Variants in NFIB observed in about 807,000 individuals in gnomAD.
The protein encoded by NFIB is nuclear factor I B, also known as nuclear factor 1 B-type.
NFIB carries 11 observed loss-of-function variants against 61.5 expected under a neutral mutation model. The observed-to-expected ratio is 0.18, with a 90% CI of 0.11 to 0.30. NFIB has a LOEUF of 0.30. Ranked by LOEUF, NFIB falls within the 10% of genes least tolerant of loss-of-function variation. NFIB has a pLI of 1.00. For synonymous variants in NFIB, 260 were observed against 216.5 expected, an observed-to-expected ratio of 1.20 and a Z score of -1.76; for missense variants, 471 against 608.9, an observed-to-expected ratio of 0.77 and a Z score of 2.38.
At chr9:14,107,097 C>T (rs508940) in intron 10 of NFIB, among the ~76,000 whole-genome samples, 72,775 of 151,732 alleles carry the variant, frequency 0.48, 19,767 homozygotes, top group African/African-American at 0.72. Flanking sequence ...GGGGTGAAGG[C>T]TCTTTTTGCG....
intron 3 of NFIB, among the ~76,000 whole-genome samples, chr9:14,177,659 CGA>C (rs2046332106): frequency 6.6e-6 from 1 of 152,050 alleles, no homozygotes; most frequent in South Asian, 2.1e-4. Flanking sequence ...AATCAACGTA[CGA>C]TTTACATATA....
At chr9:14,402,013 C>A (rs1427135425), upstream of NFIB, among the ~76,000 whole-genome samples, 3 of 152,044 alleles carry the variant, frequency 2.0e-5, no homozygotes, top group African/African-American at 7.2e-5. Flanking sequence ...CCCCTGGACA[C>A]AAACAACTTA....
Position 14,307,891 on chromosome 9 carries a change from T to C in NFIB, c.31-371A>G, listed in dbSNP as rs2060097631. On this transcript the variant is annotated intron_variant, in intron 1 of 10. Coordinates refer to ENST00000380953, the MANE Select transcript of NFIB (RefSeq NM_001190737.2). This position sits in a 1 kb window ranked among gnomAD's most constrained non-coding sequence, Gnocchi z 5.3. The stretch of plus-strand genomic sequence containing the variant: ...GGCACCTAATATAGTATTTCAATAT[T>C]TGATTGACCAACTAACACTATGCAG... The C allele has an allele frequency of 5.8e-6, 1 of 173,374 alleles. No individual in the cohort carries two copies. Among genetic ancestry groups the C allele is most frequent in the Non-Finnish European group, 1.2e-5 (1 of 80,192 alleles). The allele number at this position is 173,374 out of a possible 1,614,324, so 10.7% of individuals were successfully genotyped here.
the NFIB span, among the ~76,000 whole-genome samples, chr9:14,417,171 G>A: frequency 4.8e-4 from 73 of 152,220 alleles, no homozygotes; most frequent in South Asian, 2.1e-3. Context: ...GATTACAGGT[G>A]TGAGCCACCA....
the NFIB span, among the ~76,000 whole-genome samples, chr9:14,469,301 G>A: frequency 2.6e-5 from 4 of 152,074 alleles, no homozygotes; most frequent in African/African-American, 9.7e-5. Context: ...AGATGACATG[G>A]GATACTGATG....
the NFIB span, among the ~76,000 whole-genome samples, chr9:14,500,983 T>C: frequency 6.6e-6 from 1 of 152,224 alleles, no homozygotes; most frequent in African/African-American, 2.4e-5. Context: ...CTCCTAGTCG[T>C]GCCAATTGTA....
intron 2 of NFIB, among the ~76,000 whole-genome samples, chr9:14,231,138 ATATATAT>A (rs1563926543): frequency 8.9e-5 from 8 of 90,142 alleles, no homozygotes; most frequent in African/African-American, 2.3e-4. Flanking sequence ...AAAAAAAAAT[ATATATAT>A]ATATATATAT....
intron 6 of NFIB, among the ~76,000 whole-genome samples, chr9:14,137,273 T>G (rs910369977): frequency 6.6e-6 from 1 of 152,232 alleles, no homozygotes; most frequent in Non-Finnish European, 1.5e-5. Context: ...TGCACCAGAA[T>G]GGTGCAGGAC....
chr9:14,160,951 T>G (rs560686905), intron 3 of NFIB, among the ~76,000 whole-genome samples: 1 of 152,186 alleles, frequency 6.6e-6, no homozygotes, highest in Admixed American at 6.6e-5. Context: ...CATTGTTCAT[T>G]TGGAGAACAA....
the NFIB span, among the ~76,000 whole-genome samples, chr9:14,492,775 C>T: frequency 6.6e-6 from 1 of 152,198 alleles, no homozygotes; most frequent in East Asian, 1.9e-4. Flanking sequence ...GAACACAGAC[C>T]CAAACCATAG....
At chr9:14,283,497 A>G (rs1049794351) in intron 2 of NFIB, among the ~76,000 whole-genome samples, 5 of 152,204 alleles carry the variant, frequency 3.3e-5, no homozygotes, top group African/African-American at 1.2e-4. Flanking sequence ...CAAGTCTAGC[A>G]TCTTGACTGA....
chr9:14,145,438 T>A (rs2042177588), intron 6 of NFIB, among the ~76,000 whole-genome samples: 1 of 152,226 alleles, frequency 6.6e-6, no homozygotes, highest in South Asian at 2.1e-4. Flanking sequence ...AATGTCTCCA[T>A]GAAGATTTTT....
chr9:14,361,812 A>C (rs886135343), intron 1 of NFIB: 1 of 152,244 alleles, frequency 6.6e-6, no homozygotes, highest in Non-Finnish European at 1.5e-5. Flanking sequence ...TTTACCAATG[A>C]CAGGAGTAAA....
intron 6 of NFIB, among the ~76,000 whole-genome samples, chr9:14,140,679 A>G (rs1476319308): frequency 6.6e-6 from 1 of 152,168 alleles, no homozygotes; most frequent in Non-Finnish European, 1.5e-5. Context: ...CACACCTGCA[A>G]TCCCATCACT....
At chr9:14,233,301 G>C (rs1385121806) in intron 2 of NFIB, among the ~76,000 whole-genome samples, 2 of 151,952 alleles carry the variant, frequency 1.3e-5, no homozygotes, top group Non-Finnish European at 2.9e-5. Flanking sequence ...GAAATTTTCA[G>C]ATGTGAAGGA....
intron 2 of NFIB, among the ~76,000 whole-genome samples, chr9:14,251,153 AC>A (rs893042217): frequency 6.6e-6 from 1 of 152,200 alleles, no homozygotes; most frequent in Non-Finnish European, 1.5e-5. Context: ...CATACAAAGA[AC>A]TTTACGGTGT....
At chr9:14,505,849 C>T in the NFIB span, among the ~76,000 whole-genome samples, 2 of 152,212 alleles carry the variant, frequency 1.3e-5, no homozygotes, top group South Asian at 2.1e-4. Context: ...CAAGAAACTG[C>T]AGAGGAAATT....
intron 2 of NFIB, among the ~76,000 whole-genome samples, chr9:14,231,337 GGA>G (rs1035054753): frequency 2.6e-5 from 4 of 151,546 alleles, no homozygotes; most frequent in South Asian, 2.1e-4. Flanking sequence ...GCAGAGAGAG[GGA>G]GAGAGAGGCA....
intron 2 of NFIB, among the ~76,000 whole-genome samples, chr9:14,221,167 A>G (rs1587714336): frequency 6.6e-6 from 1 of 152,310 alleles, no homozygotes; most frequent in South Asian, 2.1e-4. Flanking sequence ...CAACCTGGCT[A>G]CTTCCCCATA....
Sources: allele counts gnomAD v4.1 joint callset (sites outside exome capture counted in the v4.1 genomes callset), GRCh38; gene constraint gnomAD v4.1.1; non-coding constraint Gnocchi (gnomAD v3.1); transcripts MANE v1.5; gene names NCBI Gene and HGNC (gene_info 2026-07-23, HGNC 2026-07-21).